Variants in IYD observed in about 807,000 individuals in gnomAD.
The protein encoded by IYD is iodotyrosine deiodinase 1.
A neutral mutation model predicts 28.4 loss-of-function variants in IYD; 25 were observed. The observed-to-expected ratio is 0.88, with a 90% CI of 0.64 to 1.23. IYD has a LOEUF of 1.23. Ranked by LOEUF, IYD falls within the 50% of genes most tolerant of loss-of-function variation. IYD has a pLI of 0.00. For missense variants in IYD, 352 were observed against 357.9 expected (o/e 0.98, Z 0.13); for synonymous variants, 140 against 130.8 (o/e 1.07, Z -0.48).
At chr6:150,376,095 G>A (rs994344382) in intron 1 of IYD, among the ~76,000 whole-genome samples, 10 of 152,166 alleles carry the variant, frequency 6.6e-5, no homozygotes, top group Admixed American at 3.3e-4. Context: ...GCATTAAAGC[G>A]ATTGTAGGGA....
At chr6:150,394,726 C>CGAGA (rs1170661931) in intron 4 of IYD, among the ~76,000 whole-genome samples, 9 of 152,314 alleles carry the variant, frequency 5.9e-5, no homozygotes, top group Non-Finnish European at 8.8e-5. Context: ...TGCATAGGAA[C>CGAGA]GAGAGCAATG....
chr6:150,391,008 G>A (rs1040216849), intron 2 of IYD, among the ~76,000 whole-genome samples: 17 of 152,144 alleles, frequency 1.1e-4, no homozygotes, highest in African/African-American at 3.9e-4. Flanking sequence ...GGAGGCCGAG[G>A]CGAGCAGATC....
At chr6:150,395,440 T>G (rs1778276092) in intron 4 of IYD, 1 of 1,537,100 alleles carries the variant, frequency 6.5e-7, no homozygotes, top group African/African-American at 1.4e-5. Flanking sequence ...ATTTCCTTCC[T>G]GAATCTGTAA....
intron 3 of IYD, among the ~76,000 whole-genome samples, chr6:150,393,337 T>C (rs1393298060): frequency 6.6e-6 from 1 of 152,218 alleles, no homozygotes; most frequent in East Asian, 1.9e-4. Flanking sequence ...GAAATGATAA[T>C]GGTCAAATGT....
chr6:150,385,999 C>T (rs539784972), intron 1 of IYD, among the ~76,000 whole-genome samples: 37 of 151,970 alleles, frequency 2.4e-4, no homozygotes, highest in Non-Finnish European at 4.3e-4. Context: ...GTTACTTGTG[C>T]TTTCTCTTTT....
chr6:150,391,024 G>T (rs893137126), intron 2 of IYD, among the ~76,000 whole-genome samples: 1 of 152,238 alleles, frequency 6.6e-6, no homozygotes, highest in African/African-American at 2.4e-5. Flanking sequence ...AGATCACGAG[G>T]TCAAGAGATT....
At chr6:150,388,214 CT>C (rs1777949877) in intron 1 of IYD, among the ~76,000 whole-genome samples, 1 of 152,194 alleles carries the variant, frequency 6.6e-6, no homozygotes, top group African/African-American at 2.4e-5. Flanking sequence ...GAATAATTTA[CT>C]TATGATTGAC....
intron 1 of IYD, chr6:150,370,631 T>C: frequency 1.0e-6 from 1 of 985,406 alleles, no homozygotes; most frequent in Non-Finnish European, 1.2e-6. Flanking sequence ...GAGAAGCACT[T>C]CCCTTAATCC....
Position 150,401,050 on chromosome 6 carries a change from TTG to T in IYD, c.*2814_*2815del, listed in dbSNP as rs1778496458. 1.3e-5 allele frequency: 2 copies of T among 152,156 alleles called. No individual in the cohort carries two copies. Among genetic ancestry groups the T allele is most frequent in the African/African-American group, 4.8e-5 (2 of 41,444 alleles). 9.4% of individuals were successfully genotyped at this position (152,156 alleles called of 1,614,324 possible). On this transcript the variant is annotated 3_prime_UTR_variant, in exon 5 of 5. Transcript: ENST00000344419. ...AAAAGGTGTGTGTATAGGTGTGTGTTTGGAGAGTGTGAGCGAGAACTAACATG... is the reference window on the plus strand; with the variant it reads ...AAAAGGTGTGTGTATAGGTGTGTGTTGAGAGTGTGAGCGAGAACTAACATG...
intron 1 of IYD, among the ~76,000 whole-genome samples, chr6:150,386,639 G>T (rs1380198591): frequency 6.6e-6 from 1 of 151,924 alleles, no homozygotes; most frequent in East Asian, 1.9e-4. Context: ...ATCTTTCACT[G>T]TGTTGTGGAT....
chr6:150,397,750 A>T (rs1453706624), intron 4 of IYD, among the ~76,000 whole-genome samples: 2 of 150,880 alleles, frequency 1.3e-5, no homozygotes, highest in African/African-American at 4.9e-5. Flanking sequence ...CTGTAGTTGG[A>T]TTCCTACAGT....
intron 1 of IYD, among the ~76,000 whole-genome samples, chr6:150,376,196 C>T (rs754864513): frequency 1.3e-5 from 2 of 152,146 alleles, no homozygotes; most frequent in Non-Finnish European, 2.9e-5. Flanking sequence ...ACAGTTTGGG[C>T]CAAAACTGCT....
chr6:150,392,586 T>C, intron 3 of IYD, 82 bp downstream of exon 3: 1 of 1,433,562 alleles, frequency 7.0e-7, no homozygotes, highest in Non-Finnish European at 9.7e-7. Flanking sequence ...CTGGCTTTGT[T>C]GTAAGCGTGA....
intron 1 of IYD, among the ~76,000 whole-genome samples, chr6:150,378,232 GGTTA>G (rs1403615185): frequency 6.6e-6 from 1 of 150,680 alleles, no homozygotes; most frequent in African/African-American, 2.5e-5. Flanking sequence ...ACAATGTGCA[GGTTA>G]GTTACATATG....
rs1281605483 is a variant in IYD at position 150,405,447 on chromosome 6, T to A, written c.*7210T>A. The A allele has an allele frequency of 6.6e-6, 1 of 152,212 alleles. No individual in the cohort carries two copies. Among genetic ancestry groups the A allele is most frequent in the Admixed American group, 6.5e-5 (1 of 15,286 alleles). 9.4% of individuals were successfully genotyped at this position (152,212 alleles called of 1,614,324 possible). On this transcript the variant is annotated 3_prime_UTR_variant, in exon 5 of 5. Coordinates refer to ENST00000344419, the MANE Select transcript of IYD (RefSeq NM_203395.3). ...CTTCTGTATTAGTCCATTCTCACAC[T>A]GCTAATAAAGAATACCTGAGACTGA...
At chr6:150,388,818 C>T (rs1488800210) in intron 1 of IYD, among the ~76,000 whole-genome samples, 1 of 151,282 alleles carries the variant, frequency 6.6e-6, no homozygotes, top group Non-Finnish European at 1.5e-5. Context: ...TCTCATGCCT[C>T]AGCCTCCCAA....
At chr6:150,394,607 T>C (rs748824884) in intron 4 of IYD, among the ~76,000 whole-genome samples, 1 of 152,160 alleles carries the variant, frequency 6.6e-6, no homozygotes, top group Non-Finnish European at 1.5e-5. Flanking sequence ...TCAGAGATGA[T>C]GGAATGACTA....
intron 1 of IYD, among the ~76,000 whole-genome samples, chr6:150,386,182 C>G (rs1362557220): frequency 3.3e-5 from 5 of 151,858 alleles, no homozygotes; most frequent in African/African-American, 1.2e-4. Flanking sequence ...TTTCTAACTT[C>G]TTGAAATTGA....
chr6:150,396,400 A>G (rs1419917904), intron 4 of IYD: 1 of 645,720 alleles, frequency 1.5e-6, no homozygotes, highest in Non-Finnish European at 2.7e-6. Flanking sequence ...AGATAAAATA[A>G]TAATAGAAGT....
Sources: allele counts gnomAD v4.1 joint callset (sites outside exome capture counted in the v4.1 genomes callset), GRCh38; gene constraint gnomAD v4.1.1; transcripts MANE v1.5; gene names NCBI Gene and HGNC (gene_info 2026-07-23, HGNC 2026-07-21).